Variants in DPP6 observed in about 807,000 individuals in gnomAD.
The protein encoded by DPP6 is A-type potassium channel modulatory protein DPP6.
A neutral mutation model predicts 122.6 loss-of-function variants in DPP6; 69 were observed. The ratio of observed to expected loss-of-function variants is 0.56; its 90% CI spans 0.46 to 0.69. The LOEUF is 0.69. DPP6 is among the 30% of genes least tolerant of loss of function. The pLI is 0.00. For synonymous variants in DPP6, 418 were observed against 433.1 expected (o/e 0.97, Z 0.43); for missense variants, 928 against 1,116.9 (o/e 0.83, Z 2.41).
At chr7:153,899,226 C>T (rs38976) in intron 1 of DPP6, among the ~76,000 whole-genome samples, 119,354 of 151,036 alleles carry the variant, frequency 0.79, 47,248 homozygotes, top group Middle Eastern at 0.81. Flanking sequence ...TCCTCCTCCT[C>T]CTTTGATTAT....
At chr7:153,765,843 G>C in the DPP6 span, among the ~76,000 whole-genome samples, 4 of 152,176 alleles carry the variant, frequency 2.6e-5, no homozygotes. Context: ...GGGAACCCTT[G>C]AATGACTTAT....
At position 154,486,245 on chromosome 7, in the gene DPP6, C is replaced by A. The variant is rs767232668; in HGVS notation, c.457+11208C>A. On this transcript the variant is annotated intron_variant, in intron 3 of 25. Coordinates refer to ENST00000377770, the MANE Select transcript of DPP6 (RefSeq NM_130797.4). This position sits in a 1 kb window ranked among gnomAD's most constrained non-coding sequence, Gnocchi z 4.5. Reference sequence around the variant, plus strand: ...GCCTCCCTGATTCAAGCGATTCTTCCGCTTCAGCCTCCTGAGTAGCTGGGA... The same window carrying A: ...GCCTCCCTGATTCAAGCGATTCTTCAGCTTCAGCCTCCTGAGTAGCTGGGA... Among the ~76,000 whole-genome samples the A allele has an allele frequency of 6.6e-6, 1 of 151,986 alleles. No homozygotes were observed. The highest frequency in any genetic ancestry group is 1.5e-5 in the Non-Finnish European group (1 of 67,982).
At chr7:154,496,933 C>G (rs1473454911) in intron 3 of DPP6, among the ~76,000 whole-genome samples, 1 of 152,144 alleles carries the variant, frequency 6.6e-6, no homozygotes, top group Non-Finnish European at 1.5e-5. Flanking sequence ...AAAATTTACT[C>G]CCATCTTTAA....
At chr7:154,124,699 C>A (rs1406382718) in intron 1 of DPP6, among the ~76,000 whole-genome samples, 2 of 152,130 alleles carry the variant, frequency 1.3e-5, no homozygotes, top group Admixed American at 1.3e-4. Flanking sequence ...GCTTTTTGAG[C>A]AATTGGTTGA....
chr7:153,976,623 G>A (rs1185746167), intron 1 of DPP6, among the ~76,000 whole-genome samples: 2 of 152,230 alleles, frequency 1.3e-5, no homozygotes, highest in Non-Finnish European at 2.9e-5. Context: ...TCAAAGATCT[G>A]ATGTTGAATC....
chr7:154,273,719 C>T (rs1314644423), intron 1 of DPP6, among the ~76,000 whole-genome samples: 1 of 151,992 alleles, frequency 6.6e-6, no homozygotes, highest in Admixed American at 6.6e-5. Context: ...GTAAAGAGAT[C>T]AGAAAAAAAG....
At chr7:154,817,555 T>C (rs541832309) in intron 16 of DPP6, among the ~76,000 whole-genome samples, 2 of 152,244 alleles carry the variant, frequency 1.3e-5, no homozygotes, top group African/African-American at 4.8e-5. Context: ...GAGTGACTAA[T>C]GTCAGGCACA....
At chr7:154,310,710 C>T (rs1006851117) in intron 1 of DPP6, among the ~76,000 whole-genome samples, 2 of 152,148 alleles carry the variant, frequency 1.3e-5, no homozygotes, top group African/African-American at 2.4e-5. Context: ...TAACCTTCAC[C>T]GAAACATCTT....
At chr7:154,777,422 G>T (rs1241080683) in intron 10 of DPP6, among the ~76,000 whole-genome samples, 2 of 152,158 alleles carry the variant, frequency 1.3e-5, no homozygotes, top group Non-Finnish European at 2.9e-5. Flanking sequence ...TTGGGCTAAT[G>T]CAGGGACCCA....
chr7:154,528,932 G>T (rs1452394326), intron 3 of DPP6, among the ~76,000 whole-genome samples: 1 of 152,182 alleles, frequency 6.6e-6, no homozygotes, highest in African/African-American at 2.4e-5. Context: ...TTGTTGGGGT[G>T]ATAGGCATTC....
chr7:154,843,304 A>G (rs1258383820), intron 16 of DPP6, among the ~76,000 whole-genome samples: 2 of 152,206 alleles, frequency 1.3e-5, no homozygotes, highest in African/African-American at 4.8e-5. Flanking sequence ...CTTGTCTTAA[A>G]TAAATAAATA....
At chr7:154,477,740 G>A (rs1289872001) in intron 3 of DPP6, among the ~76,000 whole-genome samples, 1 of 152,136 alleles carries the variant, frequency 6.6e-6, no homozygotes, top group African/African-American at 2.4e-5. Flanking sequence ...CAATTGAGAC[G>A]TGGCTATGTG....
chr7:154,618,070 G>A lies in DPP6; in HGVS notation c.628-19751G>A, dbSNP rs1322834516. On this transcript the variant is annotated intron_variant, in intron 5 of 25. Transcript: ENST00000377770. This position sits in a 1 kb window ranked among gnomAD's most constrained non-coding sequence, Gnocchi z 4.1. The stretch of plus-strand genomic sequence containing the variant: ...TCCCACAATGCTGTCTGCTCACACA[G>A]GCTTTCCCCCTTTGCACTGTTGCTG... 6.6e-6 allele frequency among the ~76,000 whole-genome samples: 1 copy of A among 152,110 alleles called. No individual in the cohort carries two copies. The highest frequency in any genetic ancestry group is 1.5e-5 in the Non-Finnish European group (1 of 68,024).
At chr7:154,818,034 C>G (rs919842707) in intron 16 of DPP6, among the ~76,000 whole-genome samples, 3 of 152,160 alleles carry the variant, frequency 2.0e-5, no homozygotes, top group Non-Finnish European at 2.9e-5. Context: ...AGATGACATA[C>G]ATTTGGAAGT....
chr7:154,505,437 A>T (rs1202306592), intron 3 of DPP6, among the ~76,000 whole-genome samples: 2 of 152,178 alleles, frequency 1.3e-5, no homozygotes, highest in African/African-American at 4.8e-5. Context: ...AGATTTTCTT[A>T]GCTTTCACCT....
Position 154,497,078 on chromosome 7 carries a change from GTA to G in DPP6, c.457+22042_457+22043del, listed in dbSNP as rs200225515. Among the ~76,000 whole-genome samples the G allele has an allele frequency of 7.2e-3, 1,094 of 152,228 alleles. 13 individuals are homozygous for G. The highest frequency in any genetic ancestry group is 0.025 in the African/African-American group (1,027 of 41,520). On this transcript the variant is annotated intron_variant, in intron 3 of 25. Coordinates refer to ENST00000377770, the MANE Select transcript of DPP6 (RefSeq NM_130797.4). Reference sequence around the variant, plus strand: ...TCCCTCCCTCCCCCCATGAACCATTGTAGGTTAAAATAGCCCAGTGGTATTTT... The same window carrying G: ...TCCCTCCCTCCCCCCATGAACCATTGGGTTAAAATAGCCCAGTGGTATTTT...
chr7:154,454,233 C>T (rs1820633526), intron 2 of DPP6, among the ~76,000 whole-genome samples: 1 of 152,220 alleles, frequency 6.6e-6, no homozygotes, highest in Non-Finnish European at 1.5e-5. Flanking sequence ...TGGGCTCCTC[C>T]GTGCCTGCTC....
intron 1 of DPP6, among the ~76,000 whole-genome samples, chr7:154,190,564 A>C (rs926042816): frequency 6.6e-6 from 1 of 152,184 alleles, no homozygotes; most frequent in South Asian, 2.1e-4. Flanking sequence ...TTTTCTGCAA[A>C]TATGTTCAGG....
Position 154,540,565 on chromosome 7 carries a change from C to A in DPP6, c.491C>A (p.Thr164Lys), listed in dbSNP as rs761081375. ...TEFIYREQKG[T>K]VRLWNVETNT... ...TTCATCTACAGAGAACAGAAAGGAA[C>A]AGTGAGACTGTGGAATGTTGAAACA... The change falls in exon 4 of 26, where the codon ACA (threonine) becomes AAA (lysine). Residue 164 changes from threonine (T) to lysine (K), a missense_variant. By Grantham distance (78) the Thr-to-Lys change is moderately conservative (BLOSUM62 -1). Coordinates refer to ENST00000377770, the MANE Select transcript of DPP6 (RefSeq NM_130797.4). 6.2e-7 allele frequency: 1 copy of A among 1,608,348 alleles called. No homozygotes were observed. The highest frequency in any genetic ancestry group is 2.2e-5 in the East Asian group (1 of 44,680).
Sources: gnomAD v4.1 joint callset for allele counts (sites outside exome capture counted in the v4.1 genomes callset) on GRCh38, gnomAD v4.1.1 for gene constraint, Gnocchi (gnomAD v3.1) non-coding constraint, MANE v1.5 for transcripts, NCBI Gene and HGNC (gene_info 2026-07-23, HGNC 2026-07-21) for gene names.